Variants in SETBP1 observed in about 807,000 individuals in gnomAD.
SETBP1 encodes the protein SET-binding protein.
A neutral mutation model predicts 101.0 loss-of-function variants in SETBP1; 9 were observed. That is an observed-to-expected ratio of 0.09 (90% CI 0.05 to 0.16). The LOEUF is 0.16. Ranked by LOEUF, SETBP1 falls within the 10% of genes least tolerant of loss-of-function variation. The pLI, the probability that SETBP1 is intolerant of heterozygous loss-of-function variation, is 1.00. For missense variants in SETBP1, 1,858 were observed against 2,033.8 expected, an observed-to-expected ratio of 0.91 and a Z score of 1.66; for synonymous variants, 818 against 788.5, an observed-to-expected ratio of 1.04 and a Z score of -0.63.
intron 2 of SETBP1, among the ~76,000 whole-genome samples, chr18:44,772,316 T>C (rs1166218020): frequency 6.6e-6 from 1 of 152,064 alleles, no homozygotes; most frequent in Non-Finnish European, 1.5e-5. Context: ...TGTGTAGAGT[T>C]TTGTTTTTTC....
chr18:44,906,982 A>AC (rs1391163781), intron 3 of SETBP1, among the ~76,000 whole-genome samples: 4 of 152,170 alleles, frequency 2.6e-5, no homozygotes, highest in African/African-American at 9.7e-5. Flanking sequence ...CATTTTCATC[A>AC]CCCCACAAAA....
chr18:44,723,633 C>A (rs1020075291), intron 2 of SETBP1, among the ~76,000 whole-genome samples: 1 of 152,190 alleles, frequency 6.6e-6, no homozygotes, highest in Non-Finnish European at 1.5e-5. Flanking sequence ...CTTGGCCCAT[C>A]TTATTACAGT....
chr18:45,047,488 G>A (rs543521943), intron 5 of SETBP1, among the ~76,000 whole-genome samples: 1 of 152,200 alleles, frequency 6.6e-6, no homozygotes, highest in East Asian at 1.9e-4. Flanking sequence ...TGGTGTCATG[G>A]TGGTGAGATA....
At chr18:44,798,633 G>A (rs1270012480) in intron 2 of SETBP1, among the ~76,000 whole-genome samples, 1 of 152,082 alleles carries the variant, frequency 6.6e-6, no homozygotes, top group Non-Finnish European at 1.5e-5. Flanking sequence ...CGGCAACAGG[G>A]GCTTTCCACA....
At chr18:45,019,248 G>A (rs1382732978) in intron 4 of SETBP1, among the ~76,000 whole-genome samples, 1 of 152,114 alleles carries the variant, frequency 6.6e-6, no homozygotes, top group Non-Finnish European at 1.5e-5. Context: ...AACCAAGGCT[G>A]GAAAAAATAA....
At chr18:44,816,275 G>A (rs1476396282) in intron 2 of SETBP1, among the ~76,000 whole-genome samples, 2 of 152,194 alleles carry the variant, frequency 1.3e-5, no homozygotes, top group African/African-American at 2.4e-5. Flanking sequence ...CCTGAGAGGA[G>A]AGCGAAGGGG....
chr18:45,017,007 GC>G (rs1568030249), intron 4 of SETBP1, among the ~76,000 whole-genome samples: 2 of 152,110 alleles, frequency 1.3e-5, no homozygotes, highest in African/African-American at 4.8e-5. Flanking sequence ...TCTAAAAACT[GC>G]CATCATCAGC....
chr18:44,946,361 G>T (rs1190431369), intron 3 of SETBP1, among the ~76,000 whole-genome samples: 11 of 152,176 alleles, frequency 7.2e-5, no homozygotes, highest in Non-Finnish European at 1.5e-5. Flanking sequence ...GTCTGCCCTG[G>T]GCGTAAGTGA....
intron 4 of SETBP1, chr18:44,986,985 T>A (rs542110185): frequency 5.3e-5 from 8 of 151,986 alleles, no homozygotes; most frequent in Non-Finnish European, 1.2e-4. Flanking sequence ...ACATAGTCGT[T>A]TATTATCATT....
At chr18:44,915,417 C>A (rs1291464991) in intron 3 of SETBP1, among the ~76,000 whole-genome samples, 1 of 152,190 alleles carries the variant, frequency 6.6e-6, no homozygotes, top group East Asian at 1.9e-4. Context: ...ATACACAGGG[C>A]ACTTAACAAT....
At position 44,823,296 on chromosome 18, in the gene SETBP1, CT is replaced by C. The variant is rs533479462; in HGVS notation, c.487-45933del. Among the ~76,000 whole-genome samples the C allele has an allele frequency of 1.7e-4, 26 of 152,294 alleles. No individual in the cohort carries two copies. In the South Asian group the frequency reaches 5.4e-3, roughly 32 times the overall value. ...ACAGAATAAAAAGAAATAGATATCC[CT>C]GGATTTGTTTTCTTACAGGTGATAC... On this transcript the variant is annotated intron_variant, in intron 2 of 5. Transcript: ENST00000649279.
intron 2 of SETBP1, among the ~76,000 whole-genome samples, chr18:44,804,496 A>C (rs2071684544): frequency 6.6e-6 from 1 of 152,152 alleles, no homozygotes; most frequent in Non-Finnish European, 1.5e-5. Flanking sequence ...GAGCTGTTCG[A>C]AAGTAATCCT....
intron 2 of SETBP1, among the ~76,000 whole-genome samples, chr18:44,771,778 C>T (rs1017873128): frequency 6.6e-6 from 1 of 152,168 alleles, no homozygotes; most frequent in African/African-American, 2.4e-5. Flanking sequence ...TGGGTATTTC[C>T]TGCTCACAGG....
At chr18:45,002,514 C>G (rs1343475476) in intron 4 of SETBP1, among the ~76,000 whole-genome samples, 1 of 151,996 alleles carries the variant, frequency 6.6e-6, no homozygotes. Context: ...AGGAATGGAA[C>G]AGTTCTTTCA....
chr18:44,706,591 CAAAAAAAAAAAAAAAAAAAAA>C (rs1018470585), intron 2 of SETBP1, among the ~76,000 whole-genome samples: 2 of 16,966 alleles, frequency 1.2e-4, no homozygotes, highest in Admixed American at 1.3e-3. Flanking sequence ...GACTCAATCT[CAAAAAAAAAAAAAAAAAAAAA>C]AAAAAAAAAA....
intron 2 of SETBP1, among the ~76,000 whole-genome samples, chr18:44,815,464 A>C (rs948341015): frequency 6.6e-6 from 1 of 152,250 alleles, no homozygotes; most frequent in Non-Finnish European, 1.5e-5. Context: ...CAAATGAGAC[A>C]TAGTCTATTA....
chr18:44,908,039 T>TTCC (rs1488066806), intron 3 of SETBP1, among the ~76,000 whole-genome samples: 1 of 151,432 alleles, frequency 6.6e-6, no homozygotes, highest in African/African-American at 2.4e-5. Context: ...GCTCTTCTTC[T>TTCC]TCCTCCTCCT....
intron 4 of SETBP1, among the ~76,000 whole-genome samples, chr18:45,005,554 T>C (rs2072705174): frequency 6.6e-6 from 1 of 151,812 alleles, no homozygotes; most frequent in Admixed American, 6.6e-5. Flanking sequence ...CAAAACCACC[T>C]GCAGATTCAC....
At chr18:44,989,988 T>G (rs2072330775) in intron 4 of SETBP1, among the ~76,000 whole-genome samples, 1 of 150,534 alleles carries the variant, frequency 6.6e-6, no homozygotes, top group Non-Finnish European at 1.5e-5. Flanking sequence ...AATCATTAGG[T>G]TTTTAGCCAA....
Sources: allele counts gnomAD v4.1 joint callset (sites outside exome capture counted in the v4.1 genomes callset), GRCh38; gene constraint gnomAD v4.1.1; transcripts MANE v1.5; gene names NCBI Gene and HGNC (gene_info 2026-07-23, HGNC 2026-07-21).